The following BMAL1 variants were observed in gnomAD, a reference collection of about 807,000 sequenced individuals.
BMAL1 encodes the protein basic helix-loop-helix ARNT-like protein 1.
At chr11:13,337,861 G>C in the BMAL1 span, among the ~76,000 whole-genome samples, 1 of 152,128 alleles carries the variant, frequency 6.6e-6, no homozygotes, top group African/African-American at 2.4e-5. Flanking sequence ...CAGAGCTTTG[G>C]AGTCAGACAG....
At chr11:13,351,857 G>C in the BMAL1 span, among the ~76,000 whole-genome samples, 2,115 of 152,326 alleles carry the variant, frequency 0.014, 45 homozygotes, top group African/African-American at 0.049. Flanking sequence ...GAGAGAATCT[G>C]TTTGGAGTTG....
At chr11:13,332,195 C>A in the BMAL1 span, among the ~76,000 whole-genome samples, 2 of 152,124 alleles carry the variant, frequency 1.3e-5, no homozygotes, top group Admixed American at 1.3e-4. Context: ...AAGCTGAAGC[C>A]CTTGGGTTAT....
the BMAL1 span, among the ~76,000 whole-genome samples, chr11:13,306,640 A>G: frequency 6.6e-6 from 1 of 152,220 alleles, no homozygotes. Flanking sequence ...TGCTGGGTAA[A>G]AATCCAGGGA....
the BMAL1 span, among the ~76,000 whole-genome samples, chr11:13,341,333 G>T: frequency 6.6e-6 from 1 of 152,176 alleles, no homozygotes; most frequent in African/African-American, 2.4e-5. Context: ...GCTCTTTATT[G>T]TGGTGAAAGG....
chr11:13,338,076 C>T, the BMAL1 span, among the ~76,000 whole-genome samples: 1 of 152,148 alleles, frequency 6.6e-6, no homozygotes, highest in Non-Finnish European at 1.5e-5. Context: ...AGTATTTTCT[C>T]AGAAAAATGA....
the BMAL1 span, among the ~76,000 whole-genome samples, chr11:13,318,794 C>A: frequency 6.6e-6 from 1 of 151,834 alleles, no homozygotes; most frequent in Non-Finnish European, 1.5e-5. Flanking sequence ...GGGGCCCTTG[C>A]AAATACCAAA....
the BMAL1 span, among the ~76,000 whole-genome samples, chr11:13,284,315 G>A: frequency 7.0e-6 from 1 of 142,398 alleles, no homozygotes; most frequent in Non-Finnish European, 1.5e-5. Flanking sequence ...AGATAGTAAG[G>A]GACACATTGT....
At chr11:13,300,702 G>T in the BMAL1 span, among the ~76,000 whole-genome samples, 1 of 152,080 alleles carries the variant, frequency 6.6e-6, no homozygotes, top group Non-Finnish European at 1.5e-5. Flanking sequence ...TAAGATTTCC[G>T]AGAAAAAACA....
At chr11:13,356,399 A>G in the BMAL1 span, 1 of 532,486 alleles carries the variant, frequency 1.9e-6, no homozygotes, top group East Asian at 4.7e-5. Context: ...GAGAGGTTAT[A>G]TAGATATTTC....
At chr11:13,311,882 T>C in the BMAL1 span, among the ~76,000 whole-genome samples, 1 of 152,140 alleles carries the variant, frequency 6.6e-6, no homozygotes, top group African/African-American at 2.4e-5. Context: ...TTTGTATAAG[T>C]TGGAGGAGAA....
the BMAL1 span, among the ~76,000 whole-genome samples, chr11:13,316,764 GA>G: frequency 6.6e-6 from 1 of 152,208 alleles, no homozygotes; most frequent in African/African-American, 2.4e-5. Context: ...ACCAAATGGG[GA>G]AAGTGGATGT....
the BMAL1 span, chr11:13,369,902 T>C: frequency 8.9e-7 from 1 of 1,119,862 alleles, no homozygotes; most frequent in Admixed American, 2.7e-5. Flanking sequence ...GACAGGACCC[T>C]GCAGTCCTCC....
chr11:13,313,329 T>C, the BMAL1 span, among the ~76,000 whole-genome samples: 4 of 152,146 alleles, frequency 2.6e-5, no homozygotes, highest in Non-Finnish European at 5.9e-5. Context: ...CTTAACGTCC[T>C]CCCTGGGTGA....
the BMAL1 span, among the ~76,000 whole-genome samples, chr11:13,331,678 C>T: frequency 5.3e-5 from 8 of 152,134 alleles, no homozygotes; most frequent in African/African-American, 1.9e-4. Context: ...TTTTTCTGAG[C>T]CTCTGTATCT....
the BMAL1 span, among the ~76,000 whole-genome samples, chr11:13,330,428 CAGA>C: frequency 6.6e-6 from 1 of 152,208 alleles, no homozygotes; most frequent in Non-Finnish European, 1.5e-5. Flanking sequence ...CTCCTCATCC[CAGA>C]AGGAGAACTG....
the BMAL1 span, among the ~76,000 whole-genome samples, chr11:13,324,537 C>T: frequency 6.6e-6 from 1 of 152,348 alleles, no homozygotes; most frequent in East Asian, 1.9e-4. Context: ...TCTGCCCCCT[C>T]TCCCCGCTGC....
chr11:13,342,744 C>G, the BMAL1 span, among the ~76,000 whole-genome samples: 1 of 152,198 alleles, frequency 6.6e-6, no homozygotes, highest in Non-Finnish European at 1.5e-5. Flanking sequence ...CCTGCACCCT[C>G]TGGACTGTGC....
the BMAL1 span, among the ~76,000 whole-genome samples, chr11:13,384,272 G>A: frequency 6.6e-6 from 1 of 151,534 alleles, no homozygotes; most frequent in Non-Finnish European, 1.5e-5. Flanking sequence ...CTTAAAAAAT[G>A]TTGTTGATGA....
the BMAL1 span, chr11:13,355,416 C>T: frequency 3.0e-5 from 29 of 981,728 alleles, no homozygotes; most frequent in African/African-American, 4.5e-4. Context: ...GAGATGTTGG[C>T]CACAAACCCT....
Sources: gnomAD v4.1 joint callset for allele counts (sites outside exome capture counted in the v4.1 genomes callset) on GRCh38, gnomAD v4.1.1 for gene constraint, MANE v1.5 for transcripts, NCBI Gene and HGNC (gene_info 2026-07-23, HGNC 2026-07-21) for gene names.